Variants in TRABD2B observed in about 807,000 individuals in gnomAD.
TRABD2B encodes the protein TraB domain containing 2B.
In TRABD2B, 14 loss-of-function variants were observed where a neutral mutation model predicts 40.1. The observed-to-expected ratio is 0.35, with a 90% CI of 0.23 to 0.55. The LOEUF is 0.55. Among genes scored for constraint, TRABD2B ranks in the 20% least tolerant of loss-of-function variants. The pLI, the probability that TRABD2B is intolerant of heterozygous loss-of-function variation, is 0.90. For missense variants in TRABD2B, 541 were observed against 648.6 expected (o/e 0.83, Z 1.80); for synonymous variants, 263 against 277.0 (o/e 0.95, Z 0.50).
At chr1:47,769,815 C>T (rs1644355306) in intron 6 of TRABD2B, among the ~76,000 whole-genome samples, 1 of 152,234 alleles carries the variant, frequency 6.6e-6, no homozygotes, top group Non-Finnish European at 1.5e-5. Flanking sequence ...TAGTGCGTTC[C>T]TGGCTTGCTG....
In TRABD2B at chr1:47,996,640, T is replaced by G; in HGVS notation, c.102+48A>C. On this transcript the variant is annotated intron_variant, in intron 1 of 6. Transcript: ENST00000606738. This position sits in a 1 kb window ranked among gnomAD's most constrained non-coding sequence, Gnocchi z 4.6. Reference sequence around the variant, plus strand: ...GACCCAAACCATGGTCCCACGGGACTAGAATACCCAGGCAGGCGGGAGAGT... The same window carrying G: ...GACCCAAACCATGGTCCCACGGGACGAGAATACCCAGGCAGGCGGGAGAGT... The G allele has an allele frequency of 8.2e-7, 1 of 1,221,162 alleles. No individual in the cohort carries two copies. The highest frequency in any genetic ancestry group is 1.0e-6 in the Non-Finnish European group (1 of 979,850). 75.6% of individuals were successfully genotyped at this position (1,221,162 alleles called of 1,614,324 possible).
At chr1:47,959,654 T>A (rs1645480030) in intron 2 of TRABD2B, among the ~76,000 whole-genome samples, 1 of 152,158 alleles carries the variant, frequency 6.6e-6, no homozygotes, top group Non-Finnish European at 1.5e-5. Flanking sequence ...CTCCCAAGAC[T>A]AAACCAGGAA....
At position 47,996,799 on chromosome 1, in the gene TRABD2B, G is replaced by GC; in HGVS notation, c.-11dup. The GC allele has an allele frequency of 1.0e-5, 12 of 1,191,450 alleles. No homozygotes were observed. Among genetic ancestry groups the GC allele is most frequent in the Non-Finnish European group, 1.2e-5 (12 of 961,760 alleles). 73.8% of individuals were successfully genotyped at this position (1,191,450 alleles called of 1,614,324 possible). A position where few individuals can be genotyped will look rare whatever the true frequency, so the allele number is the denominator to read the frequency against. ...CCAGGGCGGCGTGCATCCTGCCAGG[G>GC]CCCGCGGGGCGCGGGGGACCCTCCT... On this transcript the variant is annotated 5_prime_UTR_variant, in exon 1 of 7. Transcript: ENST00000606738. This position sits in a 1 kb window ranked among gnomAD's most constrained non-coding sequence, Gnocchi z 4.6.
chr1:47,781,657 T>C (rs1162907024), intron 4 of TRABD2B, among the ~76,000 whole-genome samples: 2 of 152,214 alleles, frequency 1.3e-5, no homozygotes, highest in African/African-American at 4.8e-5. Flanking sequence ...TCTCTCCTTC[T>C]CTAAGCCACA....
chr1:47,895,727 G>A (rs1282954007), intron 2 of TRABD2B, among the ~76,000 whole-genome samples: 3 of 152,236 alleles, frequency 2.0e-5, no homozygotes, highest in African/African-American at 4.8e-5. Flanking sequence ...TGGAATGACA[G>A]TGCCAGAAAG....
chr1:47,872,952 C>T (rs1644166155), intron 2 of TRABD2B, among the ~76,000 whole-genome samples: 1 of 152,152 alleles, frequency 6.6e-6, no homozygotes, highest in South Asian at 2.1e-4. Context: ...GGATTTATTT[C>T]TCACTGTTCT....
In TRABD2B at chr1:47,760,609, T is replaced by C. The variant is rs1644233872; in HGVS notation, c.*5293A>G. 6.6e-6 allele frequency: 1 copy of C among 152,228 alleles called. No homozygotes were observed. Among genetic ancestry groups the C allele is most frequent in the African/African-American group, 2.4e-5 (1 of 41,458 alleles). 9.4% of individuals were successfully genotyped at this position (152,228 alleles called of 1,614,324 possible). A position where few individuals can be genotyped will look rare whatever the true frequency, so the allele number is the denominator to read the frequency against. ...ATAACATTAATAGCATCTTTCTTTGTCTTCTATTTATACTCTTAAAGGACT... is the reference window on the plus strand; with the variant it reads ...ATAACATTAATAGCATCTTTCTTTGCCTTCTATTTATACTCTTAAAGGACT... On this transcript the variant is annotated 3_prime_UTR_variant, in exon 7 of 7. Transcript: ENST00000606738.
At chr1:47,966,658 A>AT (rs1202081572) in intron 2 of TRABD2B, among the ~76,000 whole-genome samples, 2 of 152,148 alleles carry the variant, frequency 1.3e-5, no homozygotes, top group East Asian at 3.9e-4. Flanking sequence ...TAATCTCAGC[A>AT]TTTTGGGAGG....
chr1:47,891,656 G>C (rs1433097892), intron 2 of TRABD2B, among the ~76,000 whole-genome samples: 2 of 152,102 alleles, frequency 1.3e-5, no homozygotes, highest in Admixed American at 1.3e-4. Flanking sequence ...TTAAAAATTA[G>C]CTGGGTGTAG....
intron 2 of TRABD2B, among the ~76,000 whole-genome samples, chr1:47,920,605 C>A (rs1644888902): frequency 6.6e-6 from 1 of 152,220 alleles, no homozygotes; most frequent in South Asian, 2.1e-4. Context: ...GTCTTCTGAG[C>A]TGGAAGCAGC....
intron 2 of TRABD2B, among the ~76,000 whole-genome samples, chr1:47,893,220 T>C (rs1293619844): frequency 2.6e-5 from 4 of 152,076 alleles, no homozygotes; most frequent in Non-Finnish European, 5.9e-5. Context: ...GTTGATTATA[T>C]ATAGTTTTCA....
intron 2 of TRABD2B, among the ~76,000 whole-genome samples, chr1:47,895,058 AT>A (rs1644498252): frequency 6.6e-6 from 1 of 152,182 alleles, no homozygotes; most frequent in African/African-American, 2.4e-5. Flanking sequence ...GTTGGGAGAT[AT>A]TCAAACAGCC....
At chr1:47,949,401 CTTTTTT>C (rs35027686) in intron 2 of TRABD2B, among the ~76,000 whole-genome samples, 41 of 80,286 alleles carry the variant, frequency 5.1e-4, no homozygotes, top group Middle Eastern at 0.014. Flanking sequence ...TCTTTTCTTT[CTTTTTT>C]TTTTTTTTTT....
At chr1:47,940,022 C>T (rs1003419784) in intron 2 of TRABD2B, among the ~76,000 whole-genome samples, 1 of 152,216 alleles carries the variant, frequency 6.6e-6, no homozygotes, top group African/African-American at 2.4e-5. Flanking sequence ...CTGGCTCCAA[C>T]CGAATTTCCT....
Position 47,765,858 on chromosome 1 carries a change from C to A in TRABD2B, c.*44G>T, listed in dbSNP as rs1644294704. On this transcript the variant is annotated 3_prime_UTR_variant, in exon 7 of 7. Transcript: ENST00000606738. ...AGGAGCAGTTGGGTGTGGCCGAAGA[C>A]CCCTGTGTCATTTCTCTGGCTTCTC... is the stretch of plus-strand genomic sequence containing the variant. The A allele has an allele frequency of 2.8e-6, 2 of 702,770 alleles. No individual in the cohort carries two copies. Among genetic ancestry groups the A allele is most frequent in the Admixed American group, 2.0e-5 (1 of 49,988 alleles). 43.5% of individuals were successfully genotyped at this position (702,770 alleles called of 1,614,324 possible). A position where few individuals can be genotyped will look rare whatever the true frequency, so the allele number is the denominator to read the frequency against.
intron 2 of TRABD2B, among the ~76,000 whole-genome samples, chr1:47,817,161 G>A (rs1341900455): frequency 6.6e-6 from 1 of 152,082 alleles, no homozygotes; most frequent in Non-Finnish European, 1.5e-5. Context: ...ATATCCTTGA[G>A]CAGCCTTTCC....
chr1:47,959,794 CT>C, intron 2 of TRABD2B, among the ~76,000 whole-genome samples: 1 of 152,146 alleles, frequency 6.6e-6, no homozygotes, highest in Middle Eastern at 3.2e-3. Context: ...CAAAGAGGAG[CT>C]GGTACCATTC....
chr1:47,985,442 G>A (rs137860584), intron 2 of TRABD2B, among the ~76,000 whole-genome samples: 1,573 of 152,352 alleles, frequency 0.01, 23 homozygotes, highest in South Asian at 0.075. Context: ...TTCAGGGCAG[G>A]GGTGGTGGTC....
chr1:47,985,830 G>A (rs1645911491), intron 2 of TRABD2B, among the ~76,000 whole-genome samples: 2 of 152,126 alleles, frequency 1.3e-5, no homozygotes, highest in Admixed American at 6.5e-5. Context: ...TTTGTTTGAC[G>A]AGCCCAAGCT....
Sources: allele counts gnomAD v4.1 joint callset (sites outside exome capture counted in the v4.1 genomes callset), GRCh38; gene constraint gnomAD v4.1.1; non-coding constraint Gnocchi (gnomAD v3.1); transcripts MANE v1.5; gene names NCBI Gene and HGNC (gene_info 2026-07-23, HGNC 2026-07-21).